EYA4: variants seen among roughly 807,000 people sequenced by gnomAD.
EYA4 encodes protein phosphatase EYA4.
Under a neutral mutation model 87.9 loss-of-function variants are expected in EYA4, and 31 were observed. The observed-to-expected ratio is 0.35, with a 90% CI of 0.27 to 0.48. The LOEUF (loss-of-function observed/expected upper bound fraction) is 0.48. EYA4 is among the 20% of genes least tolerant of loss of function. EYA4 has a pLI of 0.99. For missense variants in EYA4, 678 were observed against 761.4 expected, an observed-to-expected ratio of 0.89 and a Z score of 1.29; for synonymous variants, 263 against 270.6, an observed-to-expected ratio of 0.97 and a Z score of 0.28.
At chr6:133,341,623 C>T (rs1782785182) in intron 2 of EYA4, among the ~76,000 whole-genome samples, 1 of 151,772 alleles carries the variant, frequency 6.6e-6, no homozygotes, top group African/African-American at 2.4e-5. Flanking sequence ...AAATTCTTTT[C>T]TAATGTTGAA....
At chr6:133,445,860 G>C (rs568196671) in intron 3 of EYA4, among the ~76,000 whole-genome samples, 101 of 152,318 alleles carry the variant, frequency 6.6e-4, no homozygotes, top group Middle Eastern at 3.4e-3. Flanking sequence ...GATTACAGGC[G>C]TGAGCCACCG....
chr6:133,531,127 T>C lies in EYA4; in HGVS notation c.*2322T>C. 1 of 1,522,370 alleles carries C rather than the reference T, an allele frequency of 6.6e-7. No individual in the cohort carries two copies. Among genetic ancestry groups the C allele is most frequent in the Non-Finnish European group, 8.8e-7 (1 of 1,139,132 alleles). The allele number at this position is 1,522,370 out of a possible 1,614,324, so 94.3% of individuals were successfully genotyped here. Reference sequence around the variant, plus strand: ...TGTGGGTGCAGAAAGAAACACCCCTTGGAAGGGCAAAGAGAAGCCGGCTGG... The same window carrying C: ...TGTGGGTGCAGAAAGAAACACCCCTCGGAAGGGCAAAGAGAAGCCGGCTGG... On this transcript the variant is annotated 3_prime_UTR_variant, in exon 20 of 20. Coordinates refer to ENST00000355286, the MANE Select transcript of EYA4 (RefSeq NM_004100.5).
chr6:133,511,329 A>AAATT lies in EYA4; in HGVS notation c.1282-1387_1282-1384dup, dbSNP rs1299233160. Among the ~76,000 whole-genome samples the AAATT allele has an allele frequency of 2.0e-5, 3 of 152,104 alleles. No homozygotes were observed. The East Asian group carries it at 5.8e-4, about 29-fold the overall frequency. ...TTTCAAATTTAATGATTTTTTTTAA[A>AAATT]AATTAATTTTGAATGCTAAGCACTA... is the stretch of plus-strand genomic sequence containing the variant. On this transcript the variant is annotated intron_variant, in intron 14 of 19. Coordinates refer to ENST00000355286, the MANE Select transcript of EYA4 (RefSeq NM_004100.5).
At chr6:133,327,278 C>T (rs1007618973) in intron 2 of EYA4, among the ~76,000 whole-genome samples, 3 of 151,960 alleles carry the variant, frequency 2.0e-5, no homozygotes, top group African/African-American at 7.3e-5. Flanking sequence ...GCTGAGATTA[C>T]AGGTGCCCGC....
chr6:133,368,991 G>A (rs1194017257), intron 2 of EYA4, among the ~76,000 whole-genome samples: 1 of 152,080 alleles, frequency 6.6e-6, no homozygotes, highest in Non-Finnish European at 1.5e-5. Context: ...GTACGTCACT[G>A]TATCATTTAG....
At chr6:133,470,575 C>T (rs1583375102) in intron 11 of EYA4, among the ~76,000 whole-genome samples, 1 of 42,462 alleles carries the variant, frequency 2.4e-5, no homozygotes, top group Non-Finnish European at 4.0e-5. Flanking sequence ...GCAATGCGGG[C>T]TCTTTTTTGG....
intron 11 of EYA4, 111 bp downstream of exon 11, chr6:133,468,842 G>A: frequency 1.8e-6 from 2 of 1,090,216 alleles, no homozygotes; most frequent in African/African-American, 1.5e-5. Context: ...TAATTGTGCT[G>A]ATGTTTAATC....
At position 133,464,855 on chromosome 6, in the gene EYA4, A is replaced by C; in HGVS notation, c.801A>C (p.Gln267His). The change falls in exon 10 of 20, where the codon CAA becomes CAC. Residue 267 changes from glutamine to histidine, a missense_variant. Coordinates refer to ENST00000355286, the MANE Select transcript of EYA4 (RefSeq NM_004100.5). Reference sequence around the variant, plus strand: ...ATTCAACGAATTTCAGTGGTTCACAACAGGTATAGTAGCTTTTTGTGTTTA... The same window carrying C: ...ATTCAACGAATTTCAGTGGTTCACACCAGGTATAGTAGCTTTTTGTGTTTA... ...VSNSTNFSGS[Q>H]QDYPSYTAFG... 6.2e-7 allele frequency: 1 copy of C among 1,602,490 alleles called. No individual in the cohort carries two copies. Among genetic ancestry groups the C allele is most frequent in the Non-Finnish European group, 8.5e-7 (1 of 1,170,254 alleles).
chr6:133,365,984 G>T (rs1000160221), intron 2 of EYA4, among the ~76,000 whole-genome samples: 3 of 152,208 alleles, frequency 2.0e-5, no homozygotes, highest in African/African-American at 7.2e-5. Flanking sequence ...AACTGGCCTT[G>T]TGATAAATGG....
intron 2 of EYA4, among the ~76,000 whole-genome samples, chr6:133,312,274 G>A (rs1780281416): frequency 6.6e-6 from 1 of 151,920 alleles, no homozygotes; most frequent in South Asian, 2.1e-4. Flanking sequence ...GAAAAGGGAG[G>A]AATTAGTAGG....
chr6:133,385,309 A>T (rs1786618451), intron 3 of EYA4, among the ~76,000 whole-genome samples: 1 of 149,038 alleles, frequency 6.7e-6, no homozygotes, highest in Admixed American at 6.7e-5. Flanking sequence ...AAAAAAAAAA[A>T]AAAAAAACCC....
chr6:133,447,255 CACTT>C (rs1313942636), intron 4 of EYA4, among the ~76,000 whole-genome samples: 1 of 152,100 alleles, frequency 6.6e-6, no homozygotes, highest in African/African-American at 2.4e-5. Flanking sequence ...AAGAGAATAA[CACTT>C]AACATTTATT....
chr6:133,422,520 A>G (rs1790307972), intron 3 of EYA4, among the ~76,000 whole-genome samples: 1 of 152,144 alleles, frequency 6.6e-6, no homozygotes, highest in African/African-American at 2.4e-5. Context: ...TCTCTTTTAG[A>G]TAGACATTTA....
chr6:133,394,289 T>TTTTTTGG (rs1562369175), intron 3 of EYA4, among the ~76,000 whole-genome samples: 1 of 18,198 alleles, frequency 5.5e-5, no homozygotes, highest in African/African-American at 8.0e-5. Context: ...CTTGTGTTTT[T>TTTTTTGG]TTTTTTTTTT....
chr6:133,335,037 A>G (rs1288140376), intron 2 of EYA4, among the ~76,000 whole-genome samples: 1 of 152,246 alleles, frequency 6.6e-6, no homozygotes. Flanking sequence ...TGTGTTTGTT[A>G]GGTGAGAGAA....
chr6:133,435,692 C>T (rs1791593877), intron 3 of EYA4: 1 of 152,184 alleles, frequency 6.6e-6, no homozygotes, highest in Non-Finnish European at 1.5e-5. Flanking sequence ...AATGCCCGTA[C>T]TTTTTCCAGA....
At chr6:133,332,648 A>C (rs1782055650) in intron 2 of EYA4, among the ~76,000 whole-genome samples, 1 of 149,710 alleles carries the variant, frequency 6.7e-6, no homozygotes, top group African/African-American at 2.5e-5. Context: ...GGTTCAAGCT[A>C]TTCCCCTGCC....
Position 133,528,917 on chromosome 6 carries a change from A to C in EYA4, c.*112A>C. Reference sequence around the variant, plus strand: ...ATAAATTGTCTTAATGGATGAAATCATATTTGGAATAAAAATTCCAGAATG... The same window carrying C: ...ATAAATTGTCTTAATGGATGAAATCCTATTTGGAATAAAAATTCCAGAATG... On this transcript the variant is annotated 3_prime_UTR_variant, in exon 20 of 20. Transcript: ENST00000355286. 1 of 1,581,430 alleles carries C rather than the reference A, an allele frequency of 6.3e-7. No homozygotes were observed. The highest frequency in any genetic ancestry group is 1.8e-5 in the Admixed American group (1 of 56,322).
intron 16 of EYA4, among the ~76,000 whole-genome samples, chr6:133,514,146 G>T (rs1799396606): frequency 6.6e-6 from 1 of 152,088 alleles, no homozygotes; most frequent in Non-Finnish European, 1.5e-5. Context: ...GCTTAGATAT[G>T]GAAGACATTC....
Sources: gnomAD v4.1 joint callset for allele counts (sites outside exome capture counted in the v4.1 genomes callset) on GRCh38, gnomAD v4.1.1 for gene constraint, MANE v1.5 for transcripts, NCBI Gene and HGNC (gene_info 2026-07-23, HGNC 2026-07-21) for gene names.